Variants in SPTBN5 observed in about 807,000 individuals in gnomAD.
SPTBN5 encodes spectrin beta, non-erythrocytic 5.
In SPTBN5, 513 loss-of-function variants were observed where a neutral mutation model predicts 477.6. The observed-to-expected ratio is 1.07, with a 90% CI of 1.00 to 1.16. SPTBN5 has a LOEUF of 1.16. Among genes scored for constraint, SPTBN5 ranks in the 50% most tolerant of loss-of-function variants. The pLI is 0.00. For synonymous variants in SPTBN5, 2,169 were observed against 2,011.7 expected (o/e 1.08, Z -2.09); for missense variants, 5,062 against 4,731.8 (o/e 1.07, Z -2.05).
chr15:41,887,326 C>CCT lies in SPTBN5; in HGVS notation c.773_774dup (p.Asp259ArgfsTer14), dbSNP rs2067186490. The stretch of plus-strand genomic sequence containing the variant: ...TCATCTGGCTGTGCGGCTGCCACGT[C>CCT]CTCGGGGTCCAGCAGCTGAGCAATG... On this transcript the variant is annotated frameshift_variant, in exon 6 of 68. Transcript: ENST00000320955. LOFTEE classifies it high-confidence loss of function. The CCT allele has an allele frequency of 6.4e-7, 1 of 1,551,478 alleles. No homozygotes were observed.
intron 12 of SPTBN5, among the ~76,000 whole-genome samples, chr15:41,881,674 T>G (rs2066957212): frequency 6.6e-6 from 1 of 152,080 alleles, no homozygotes; most frequent in Non-Finnish European, 1.5e-5. Flanking sequence ...TGCTTAACGG[T>G]CTGAAACTGC....
Position 41,848,474 on chromosome 15 carries a change from C to T in SPTBN5, c.*142G>A. 2 of 950,802 alleles carry T rather than the reference C, an allele frequency of 2.1e-6. No homozygotes were observed. The highest frequency in any genetic ancestry group is 3.4e-6 in the Non-Finnish European group (2 of 582,468). 58.9% of individuals were successfully genotyped at this position (950,802 alleles called of 1,614,324 possible). A position where few individuals can be genotyped will look rare whatever the true frequency, so the allele number is the denominator to read the frequency against. On this transcript the variant is annotated 3_prime_UTR_variant, in exon 68 of 68. Coordinates refer to ENST00000320955, the MANE Select transcript of SPTBN5 (RefSeq NM_016642.4). ...GACCCATCTAACCAGAAGGAACTGT[C>T]TATTCCAGAAGCTGGGCCTGGGGAA...
At position 41,850,863 on chromosome 15, in the gene SPTBN5, T is replaced by C; in HGVS notation, c.10912A>G (p.Ser3638Gly). 1 of 1,597,748 alleles carries C rather than the reference T, an allele frequency of 6.3e-7. No individual in the cohort carries two copies. The highest frequency in any genetic ancestry group is 8.5e-7 in the Non-Finnish European group (1 of 1,173,172). ...TTCCCCTGAAGCCCACCTGCAGTGC[T>C]GCCCAGGGCTCGCCACCAGCTCTCA... Reference protein sequence around the residue: ...QAESWWRALGSTAAQSLSPKL... With the variant: ...QAESWWRALGGTAAQSLSPKL... Residue 3638 changes from serine to glycine, a missense_variant, in exon 66 of 68, where the codon AGC becomes GGC. Ser to Gly is a moderately conservative substitution (Grantham distance 56, BLOSUM62 0). Transcript: ENST00000320955.
chr15:41,885,060 G>A (rs1251636773), intron 7 of SPTBN5, among the ~76,000 whole-genome samples: 1 of 152,122 alleles, frequency 6.6e-6, no homozygotes, highest in Non-Finnish European at 1.5e-5. Context: ...GTCTCACTCT[G>A]TCTCCCAGGC....
Position 41,879,472 on chromosome 15 carries a change from C to T in SPTBN5, c.2970G>A (p.Arg990=), listed in dbSNP as rs1206024673. The T allele has an allele frequency of 6.3e-7, 1 of 1,585,176 alleles. No individual in the cohort carries two copies. Among genetic ancestry groups the T allele is most frequent in the Non-Finnish European group, 8.6e-7 (1 of 1,167,962 alleles). ...TGTGTGCCAGCTGCACGGCCTTCTC[C>T]CTCTTCAGGGCCTCCAGCTGCCCCC... ...QRWGQLEALK[R]EKAVQLAHSV... The change falls in exon 16 of 68, where the codon AGG becomes AGA. Residue 990 remains arginine (R), a synonymous_variant. Coordinates refer to ENST00000320955, the MANE Select transcript of SPTBN5 (RefSeq NM_016642.4).
At position 41,854,911 on chromosome 15, in the gene SPTBN5, A is replaced by G. The variant is rs1161022239; in HGVS notation, c.9489T>C (p.Tyr3163=). 1 of 1,603,336 alleles carries G rather than the reference A, an allele frequency of 6.2e-7. No homozygotes were observed. Among genetic ancestry groups the G allele is most frequent in the Non-Finnish European group, 8.5e-7 (1 of 1,175,350 alleles). Residue 3163 remains tyrosine, a synonymous_variant, in exon 56 of 68, where the codon TAT becomes TAC. Coordinates refer to ENST00000320955, the MANE Select transcript of SPTBN5 (RefSeq NM_016642.4). ...GGGTGCCTGCCAACTTCCTCAGGGC[A>G]TACACCTTGGCCTGGCCCAGGCTCT... ...EVQSLGQAKV[Y]ALRKLAGTLE... is the part of the protein sequence containing the mutation.
chr15:41,862,037 A>G, intron 44 of SPTBN5, 93 bp downstream of exon 44: 1 of 1,508,638 alleles, frequency 6.6e-7, no homozygotes, highest in South Asian at 1.2e-5. Flanking sequence ...AGGGCGGGAC[A>G]CTCAGGAGGC....
At position 41,873,542 on chromosome 15, in the gene SPTBN5, C is replaced by T; in HGVS notation, c.4957G>A (p.Asp1653Asn). The T allele has an allele frequency of 6.4e-7, 1 of 1,552,154 alleles. No homozygotes were observed. Among genetic ancestry groups the T allele is most frequent in the Non-Finnish European group, 8.7e-7 (1 of 1,147,238 alleles). ...EEKRPLVSSR[D>N]YGRDEAATLR... ...GTGGCTGCCTCGTCTCTGCCATAGTCCCGACTGCTCACCAGCGGCCGCTTC... is the reference window on the plus strand; with the variant it reads ...GTGGCTGCCTCGTCTCTGCCATAGTTCCGACTGCTCACCAGCGGCCGCTTC... The change falls in exon 26 of 68, where the codon GAC becomes AAC. Residue 1653 changes from aspartate to asparagine, a missense_variant. Coordinates refer to ENST00000320955, the MANE Select transcript of SPTBN5 (RefSeq NM_016642.4).
chr15:41,875,990 A>G, intron 21 of SPTBN5, 124 bp downstream of exon 21: 6 of 1,174,334 alleles, frequency 5.1e-6, no homozygotes, highest in Admixed American at 2.5e-5. Context: ...TTGCAGGGGG[A>G]GGTTCTAGGT....
rs747779 is a variant in SPTBN5 at position 41,878,380 on chromosome 15, G to A, written c.3432C>T (p.His1144=). The A allele has an allele frequency of 0.058, 94,358 of 1,613,526 alleles. 3,869 individuals are homozygous for A. Among genetic ancestry groups the A allele is most frequent in the African/African-American group, 0.17 (13,115 of 74,980 alleles). Reference sequence around the variant, plus strand: ...GGTGGATCTCCTCCAGCAGGTCTTGGTGCTCCCTCAGCAGCCGCTGAGCCG... The same window carrying A: ...GGTGGATCTCCTCCAGCAGGTCTTGATGCTCCCTCAGCAGCCGCTGAGCCG... ...VASAQRLLRE[H]QDLLEEIHLW... is the part of the protein sequence containing the mutation. The change falls in exon 17 of 68, where the codon CAC becomes CAT. Residue 1144 remains histidine (H), a synonymous_variant. Coordinates refer to ENST00000320955, the MANE Select transcript of SPTBN5 (RefSeq NM_016642.4).
At position 41,853,296 on chromosome 15, in the gene SPTBN5, G is replaced by C; in HGVS notation, c.10132C>G (p.Gln3378Glu). ...LQAQDLRQEG[Q>E]QLVDNSHFMS... ...AAGTGGCTGTTGTCCACCAGCTGCT[G>C]TCCTTCCTGCCGCAGGTCCTGGGCT... The change falls in exon 59 of 68, where the codon CAG becomes GAG. Residue 3378 changes from glutamine to glutamate, a missense_variant. Physicochemically the swap from Gln to Glu is conservative, Grantham distance 29 (BLOSUM62 2). Transcript: ENST00000320955. The C allele has an allele frequency of 6.2e-7, 1 of 1,611,434 alleles. No individual in the cohort carries two copies. Among genetic ancestry groups the C allele is most frequent in the East Asian group, 2.2e-5 (1 of 44,816 alleles).
chr15:41,881,429 C>G (rs1567224530), intron 12 of SPTBN5, among the ~76,000 whole-genome samples, 195 bp from the exon 13 acceptor site: 1 of 152,216 alleles, frequency 6.6e-6, no homozygotes, highest in Non-Finnish European at 1.5e-5. Flanking sequence ...AGCACAGGAT[C>G]TGATGGCTTT....
At position 41,861,390 on chromosome 15, in the gene SPTBN5, C is replaced by A. The variant is rs761126593; in HGVS notation, c.7815+29G>T. The stretch of plus-strand genomic sequence containing the variant: ...CCTAATGCTGCTCTGGTAATTCCCC[C>A]CTCCTGCCCATTCCTGCTGGGCACC... On this transcript the variant is annotated intron_variant, in intron 46 of 67. Transcript: ENST00000320955. The A allele has an allele frequency of 3.1e-6, 5 of 1,590,680 alleles. No individual in the cohort carries two copies. The South Asian group carries it at 3.3e-5, about 11-fold the overall frequency.
intron 7 of SPTBN5, among the ~76,000 whole-genome samples, 187 bp downstream of exon 7, chr15:41,885,548 A>G (rs2067120737): frequency 1.3e-5 from 2 of 152,230 alleles, no homozygotes; most frequent in Non-Finnish European, 2.9e-5. Context: ...TGCTTCACCA[A>G]TAGGAATGAA....
chr15:41,876,260 G>A lies in SPTBN5; in HGVS notation c.3976C>T (p.Leu1326=), dbSNP rs371792475. 1 of 1,585,092 alleles carries A rather than the reference G, an allele frequency of 6.3e-7. No homozygotes were observed. The highest frequency in any genetic ancestry group is 1.1e-5 in the South Asian group (1 of 89,884). Residue 1326 remains leucine (L), a synonymous_variant, in exon 21 of 68, where the codon CTG becomes TTG. Coordinates refer to ENST00000320955, the MANE Select transcript of SPTBN5 (RefSeq NM_016642.4). ...CCCTTCTCTTCCATCCACTGCATCA[G>A]CTCTGCCACATCCTGCTTCCACTCC... is the stretch of plus-strand genomic sequence containing the variant. ...LQEWKQDVAE[L]MQWMEEKGLM...
intron 21 of SPTBN5, 103 bp downstream of exon 21, chr15:41,876,011 G>T: frequency 1.4e-6 from 2 of 1,411,154 alleles, no homozygotes; most frequent in Non-Finnish European, 1.9e-6. Context: ...TCACGCTGAG[G>T]CTGATTTTTC....
In SPTBN5 at chr15:41,862,165, C is replaced by T. The variant is rs1307513292; in HGVS notation, c.7513G>A (p.Ala2505Thr). ...TGATGCTCTTCTAACATACGCCGGG[C>T]TTCCACAGGGCTGCGAGGAGCGGGG... ...TSPAPRSPVEARRMLEEHQEC... is the reference protein window; with the variant it reads ...TSPAPRSPVETRRMLEEHQEC... Residue 2505 changes from alanine to threonine, a missense_variant, in exon 44 of 68, where the codon GCC (alanine) becomes ACC (threonine). Transcript: ENST00000320955. 2.5e-6 allele frequency: 4 copies of T among 1,600,306 alleles called. No homozygotes were observed. The highest frequency in any genetic ancestry group is 3.4e-6 in the Non-Finnish European group (4 of 1,172,104).
At chr15:41,878,990 C>T (rs572103814) in intron 16 of SPTBN5, among the ~76,000 whole-genome samples, 12 of 152,256 alleles carry the variant, frequency 7.9e-5, no homozygotes, top group Middle Eastern at 3.4e-3. Flanking sequence ...GGCGTGAACC[C>T]GGGAGGCTGA....
At position 41,885,287 on chromosome 15, in the gene SPTBN5, G is replaced by A. The variant is rs894287382; in HGVS notation, c.1520+448C>T. ...CATCCGCCTGCTACGGCCTCCCAAC[G>A]TGCTGGGATTACAGGCATGAGCCAC... On this transcript the variant is annotated intron_variant, in intron 7 of 67. Transcript: ENST00000320955. 3.3e-5 allele frequency among the ~76,000 whole-genome samples: 5 copies of A among 152,222 alleles called. No individual in the cohort carries two copies. In the East Asian group the frequency reaches 5.8e-4, roughly 18 times the overall value.
Sources: gnomAD v4.1 joint callset for allele counts (sites outside exome capture counted in the v4.1 genomes callset) on GRCh38, gnomAD v4.1.1 for gene constraint, MANE v1.5 for transcripts, NCBI Gene and HGNC (gene_info 2026-07-23, HGNC 2026-07-21) for gene names.